Variants in CDH2 observed in about 807,000 individuals in gnomAD.
The protein encoded by CDH2 is cadherin 2, also known as cadherin-2.
CDH2 carries 17 observed loss-of-function variants against 92.0 expected under a neutral mutation model. The ratio of observed to expected loss-of-function variants is 0.18; its 90% CI spans 0.13 to 0.28. CDH2 has a LOEUF of 0.28. Among genes scored for constraint, CDH2 ranks in the 10% least tolerant of loss-of-function variants. The pLI is 1.00. For synonymous variants in CDH2, 419 were observed against 415.9 expected (o/e 1.01, Z -0.09); for missense variants, 862 against 1,133.1 (o/e 0.76, Z 3.44).
chr18:28,025,714 C>T lies in CDH2; in HGVS notation c.173-11805G>A, dbSNP rs529815417. The stretch of plus-strand genomic sequence containing the variant: ...GATCAAATCAGGGTAATTACCATAG[C>T]CATCACTTTAAATATTTATGAGTTA... On this transcript the variant is annotated intron_variant, in intron 2 of 15. Coordinates refer to ENST00000269141, the MANE Select transcript of CDH2 (RefSeq NM_001792.5). Among the ~76,000 whole-genome samples, 10 of 151,574 alleles carry T rather than the reference C, an allele frequency of 6.6e-5. 1 individual carries two copies. In the South Asian group the frequency reaches 2.1e-3, roughly 32 times the overall value.
At chr18:28,129,035 T>TA (rs2015723211) in intron 2 of CDH2, among the ~76,000 whole-genome samples, 1 of 152,202 alleles carries the variant, frequency 6.6e-6, no homozygotes, top group Non-Finnish European at 1.5e-5. Context: ...CAAACCTTCC[T>TA]ATATAGTTTT....
At chr18:28,110,623 T>C (rs2015395746) in intron 2 of CDH2, among the ~76,000 whole-genome samples, 1 of 152,134 alleles carries the variant, frequency 6.6e-6, no homozygotes, top group Admixed American at 6.5e-5. Flanking sequence ...TGAATATAGA[T>C]GCTTTTGGGA....
chr18:28,028,610 C>T (rs1482579335), intron 2 of CDH2, among the ~76,000 whole-genome samples: 1 of 151,958 alleles, frequency 6.6e-6, no homozygotes, highest in Non-Finnish European at 1.5e-5. Context: ...GAAAATTTAC[C>T]ATCATAATAC....
chr18:27,979,515 C>T (rs1168303901), intron 14 of CDH2, among the ~76,000 whole-genome samples: 2 of 152,200 alleles, frequency 1.3e-5, no homozygotes, highest in African/African-American at 4.8e-5. Flanking sequence ...AGAACATATG[C>T]ACACAAATGT....
At chr18:28,169,551 C>T (rs1476787031) in intron 1 of CDH2, among the ~76,000 whole-genome samples, 1 of 152,102 alleles carries the variant, frequency 6.6e-6, no homozygotes, top group African/African-American at 2.4e-5. Context: ...GAAAGAAAAT[C>T]TGGGCATACA....
intron 15 of CDH2, among the ~76,000 whole-genome samples, chr18:27,963,040 A>ATTGT (rs554032589): frequency 6.6e-6 from 1 of 152,188 alleles, no homozygotes; most frequent in Non-Finnish European, 1.5e-5. Flanking sequence ...GCACTATAAT[A>ATTGT]TTGTTAGTCT....
chr18:28,048,625 C>T (rs910037288), intron 2 of CDH2, among the ~76,000 whole-genome samples: 1 of 152,166 alleles, frequency 6.6e-6, no homozygotes, highest in Non-Finnish European at 1.5e-5. Flanking sequence ...ATGCTATTCC[C>T]CAGCTTTCAT....
At chr18:27,960,408 T>A (rs1423963844) in intron 15 of CDH2, among the ~76,000 whole-genome samples, 1 of 152,152 alleles carries the variant, frequency 6.6e-6, no homozygotes, top group South Asian at 2.1e-4. Flanking sequence ...AGCATGAAAT[T>A]GTAAGCTGAG....
intron 2 of CDH2, among the ~76,000 whole-genome samples, chr18:28,100,338 C>T (rs2015207107): frequency 1.3e-5 from 2 of 152,216 alleles, no homozygotes; most frequent in Admixed American, 1.3e-4. Context: ...TCCTACCTGA[C>T]TGCCTTTGAA....
At chr18:28,145,423 C>T (rs539007571) in intron 2 of CDH2, among the ~76,000 whole-genome samples, 3 of 152,114 alleles carry the variant, frequency 2.0e-5, no homozygotes, top group East Asian at 3.9e-4. Flanking sequence ...TGGTTGGCCT[C>T]GTAATATATC....
chr18:28,055,808 C>T (rs985457461), intron 2 of CDH2, among the ~76,000 whole-genome samples: 1 of 151,870 alleles, frequency 6.6e-6, no homozygotes, highest in African/African-American at 2.4e-5. Flanking sequence ...ATATTTGGGT[C>T]TATTAGTTGA....
At chr18:27,941,605 T>C (rs1394837484) in intron 6 of CDH2, among the ~76,000 whole-genome samples, 1 of 152,190 alleles carries the variant, frequency 6.6e-6, no homozygotes, top group Non-Finnish European at 1.5e-5. Flanking sequence ...TAATGTTGCA[T>C]GATGACCTAA....
chr18:28,000,488 G>T (rs547563481), intron 7 of CDH2, among the ~76,000 whole-genome samples: 1 of 152,252 alleles, frequency 6.6e-6, no homozygotes, highest in African/African-American at 2.4e-5. Context: ...GGATGCAGGA[G>T]CTGAGGTTTC....
Position 28,147,708 on chromosome 18 carries a change from G to C in CDH2, c.137C>G (p.Ser46Trp). 1 of 1,610,682 alleles carries C rather than the reference G, an allele frequency of 6.2e-7. No individual in the cohort carries two copies. Residue 46 changes from serine to tryptophan, a missense_variant, in exon 2 of 16, where the codon TCG (serine) becomes TGG (tryptophan). Ser to Trp is a radical substitution (Grantham distance 177). Coordinates refer to ENST00000269141, the MANE Select transcript of CDH2 (RefSeq NM_001792.5). ...AGGCTGTCCTTCATGCACATCCTTC[G>C]ATAAGACTGCACTGTAAACATCTTC... ...FPEDVYSAVLSKDVHEGQPLL... is the reference protein window; with the variant it reads ...FPEDVYSAVLWKDVHEGQPLL...
At chr18:28,043,890 A>AGTTTTTT (rs2014013411) in intron 2 of CDH2, among the ~76,000 whole-genome samples, 6 of 91,468 alleles carry the variant, frequency 6.6e-5, no homozygotes, top group African/African-American at 1.9e-4. Context: ...AGAATCTCGG[A>AGTTTTTT]TTTTTTTTTT....
Position 28,140,639 on chromosome 18 carries a change from G to T in CDH2, c.172+7034C>A, listed in dbSNP as rs536786980. ...TGAATCTGCAAGCACTTTGATCTTGGATTCCTCAGCCTGTAGAACTGTGAG... is the reference window on the plus strand; with the variant it reads ...TGAATCTGCAAGCACTTTGATCTTGTATTCCTCAGCCTGTAGAACTGTGAG... On this transcript the variant is annotated intron_variant, in intron 2 of 15. Transcript: ENST00000269141. 2.1e-4 allele frequency among the ~76,000 whole-genome samples: 32 copies of T among 151,896 alleles called. No individual in the cohort carries two copies. In the South Asian group the frequency reaches 5.6e-3, roughly 27 times the overall value.
At chr18:27,975,114 T>C (rs1273766134) in intron 14 of CDH2, among the ~76,000 whole-genome samples, 1 of 152,120 alleles carries the variant, frequency 6.6e-6, no homozygotes, top group East Asian at 1.9e-4. Flanking sequence ...CTATATAGTG[T>C]TCTCTGAGCC....
chr18:27,997,476 C>T (rs1599020716), intron 7 of CDH2, among the ~76,000 whole-genome samples: 1 of 152,268 alleles, frequency 6.6e-6, no homozygotes, highest in Non-Finnish European at 1.5e-5. Context: ...TATGAAGAAC[C>T]TTCAATAGTG....
intron 7 of CDH2, among the ~76,000 whole-genome samples, chr18:28,002,401 T>G (rs2012795818): frequency 6.6e-6 from 1 of 152,240 alleles, no homozygotes; most frequent in Admixed American, 6.5e-5. Context: ...CATTTTCAAC[T>G]AAATGTTATT....
Sources: gnomAD v4.1 joint callset for allele counts (sites outside exome capture counted in the v4.1 genomes callset) on GRCh38, gnomAD v4.1.1 for gene constraint, MANE v1.5 for transcripts, NCBI Gene and HGNC (gene_info 2026-07-23, HGNC 2026-07-21) for gene names.